CCDC148: variants seen among roughly 807,000 people sequenced by gnomAD.
The protein encoded by CCDC148 is coiled-coil domain-containing protein 148.
In CCDC148, 89 loss-of-function variants were observed where a neutral mutation model predicts 85.7. The ratio of observed to expected loss-of-function variants is 1.04; its 90% CI spans 0.87 to 1.24. The LOEUF (loss-of-function observed/expected upper bound fraction) is 1.24. CCDC148 is among the 50% of genes most tolerant of loss of function. The probability of loss-of-function intolerance (pLI) is 0.00; values close to 1 mark genes in which losing one functional copy is unlikely to be tolerated. For synonymous variants in CCDC148, 230 were observed against 213.9 expected, an observed-to-expected ratio of 1.08 and a Z score of -0.66; for missense variants, 692 against 671.7, an observed-to-expected ratio of 1.03 and a Z score of -0.33.
At chr2:158,200,374 A>T (rs1685893571) in intron 11 of CCDC148, among the ~76,000 whole-genome samples, 1 of 152,150 alleles carries the variant, frequency 6.6e-6, no homozygotes, top group Non-Finnish European at 1.5e-5. Context: ...AATTTCCTGT[A>T]AACAGTAAGT....
chr2:158,185,470 T>C (rs144884485), intron 11 of CCDC148, among the ~76,000 whole-genome samples: 26 of 152,230 alleles, frequency 1.7e-4, no homozygotes, highest in African/African-American at 6.3e-4. Context: ...GCTCCAAGGG[T>C]TGGATATCTT....
intron 1 of CCDC148, among the ~76,000 whole-genome samples, chr2:158,427,249 A>G (rs1322214021): frequency 6.6e-6 from 1 of 152,198 alleles, no homozygotes; most frequent in Non-Finnish European, 1.5e-5. Context: ...ATTTTCATTT[A>G]TGACTTATTA....
intron 8 of CCDC148, among the ~76,000 whole-genome samples, chr2:158,311,183 T>C (rs1015248922): frequency 6.6e-6 from 1 of 152,136 alleles, no homozygotes; most frequent in African/African-American, 2.4e-5. Flanking sequence ...CTGGGCAACA[T>C]TGAGCACTGA....
chr2:158,176,519 A>G lies in CCDC148; in HGVS notation c.1629+2T>C, dbSNP rs748871053. ...ATCAGTCATGCTAATTTCCATAATT[A>G]CCTGCTGTTCATTGTATGTATTCAA... On this transcript the variant is annotated splice_donor_variant, in intron 13 of 13. Coordinates refer to ENST00000283233, the MANE Select transcript of CCDC148 (RefSeq NM_138803.4). LOFTEE classifies it high-confidence loss of function. The G allele has an allele frequency of 1.9e-6, 3 of 1,610,142 alleles. No homozygotes were observed. In the South Asian group the frequency reaches 3.3e-5, roughly 18 times the overall value.
chr2:158,306,885 T>G (rs1246418217), intron 9 of CCDC148, among the ~76,000 whole-genome samples: 2 of 150,746 alleles, frequency 1.3e-5, no homozygotes, highest in African/African-American at 4.9e-5. Flanking sequence ...CAGGCGTGGT[T>G]GCAGGCACCT....
chr2:158,229,458 G>A (rs545633578), intron 10 of CCDC148, among the ~76,000 whole-genome samples: 3 of 152,218 alleles, frequency 2.0e-5, no homozygotes, highest in Admixed American at 1.3e-4. Context: ...CTAAATTTAT[G>A]GTTTCAATTG....
At chr2:158,294,977 C>T (rs1218796194) in intron 9 of CCDC148, among the ~76,000 whole-genome samples, 2 of 151,916 alleles carry the variant, frequency 1.3e-5, no homozygotes, top group Non-Finnish European at 1.5e-5. Context: ...TACTAATAGC[C>T]CCCTGTGGTT....
At chr2:158,233,055 G>GTATCCAGA (rs1687929783) in intron 10 of CCDC148, among the ~76,000 whole-genome samples, 1 of 152,022 alleles carries the variant, frequency 6.6e-6, no homozygotes, top group Non-Finnish European at 1.5e-5. Context: ...ACATGTTTGA[G>GTATCCAGA]GTAATGGATA....
intron 7 of CCDC148, among the ~76,000 whole-genome samples, chr2:158,330,336 C>T (rs1366761542): frequency 1.3e-5 from 2 of 152,294 alleles, no homozygotes; most frequent in African/African-American, 4.8e-5. Flanking sequence ...GTTGAACCAG[C>T]CTTGCATCCC....
intron 1 of CCDC148, among the ~76,000 whole-genome samples, chr2:158,451,957 G>A (rs1573848328): frequency 6.6e-6 from 1 of 151,998 alleles, no homozygotes; most frequent in Non-Finnish European, 1.5e-5. Context: ...GATGATCACA[G>A]GAAACAAAAA....
At chr2:158,375,972 C>T (rs1317790103) in intron 1 of CCDC148, among the ~76,000 whole-genome samples, 1 of 152,004 alleles carries the variant, frequency 6.6e-6, no homozygotes, top group East Asian at 1.9e-4. Context: ...AAAATAAATC[C>T]CCAAGCTTCT....
chr2:158,239,174 A>G (rs1384550068), intron 10 of CCDC148, among the ~76,000 whole-genome samples: 1 of 152,192 alleles, frequency 6.6e-6, no homozygotes, highest in Non-Finnish European at 1.5e-5. Flanking sequence ...CTAGCCAGAA[A>G]GTACAGTCAA....
At chr2:158,290,395 C>T (rs1373739305) in intron 9 of CCDC148, among the ~76,000 whole-genome samples, 2 of 152,182 alleles carry the variant, frequency 1.3e-5, no homozygotes, top group East Asian at 1.9e-4. Context: ...ATCATGCCTA[C>T]AGTTCGACTG....
intron 9 of CCDC148, among the ~76,000 whole-genome samples, chr2:158,306,606 C>T (rs1239717317): frequency 1.3e-5 from 2 of 151,404 alleles, no homozygotes; most frequent in African/African-American, 4.9e-5. Flanking sequence ...CATGTTCTCA[C>T]TCATAGGTGG....
intron 9 of CCDC148, among the ~76,000 whole-genome samples, chr2:158,266,915 T>C (rs6754827): frequency 7.3e-6 from 1 of 136,136 alleles, no homozygotes; most frequent in Non-Finnish European, 1.5e-5. Flanking sequence ...TACACACACA[T>C]ATATACATAT....
chr2:158,247,451 T>C (rs896450003), intron 10 of CCDC148, among the ~76,000 whole-genome samples: 1 of 152,142 alleles, frequency 6.6e-6, no homozygotes, highest in Admixed American at 6.6e-5. Flanking sequence ...CACGCATCAG[T>C]ACAAGCTGGC....
intron 9 of CCDC148, among the ~76,000 whole-genome samples, chr2:158,273,797 T>C (rs1038147885): frequency 6.6e-6 from 1 of 152,162 alleles, no homozygotes; most frequent in African/African-American, 2.4e-5. Flanking sequence ...TGCAGAGATT[T>C]ATGACATGAA....
intron 10 of CCDC148, among the ~76,000 whole-genome samples, chr2:158,233,203 T>G (rs1574458285): frequency 6.6e-6 from 1 of 152,204 alleles, no homozygotes; most frequent in South Asian, 2.1e-4. Context: ...AATATGCAAC[T>G]CCACACAAAA....
intron 11 of CCDC148, among the ~76,000 whole-genome samples, chr2:158,181,607 T>C (rs374329216): frequency 3.3e-5 from 5 of 152,130 alleles, no homozygotes; most frequent in East Asian, 1.9e-4. Context: ...GTACTCTGAA[T>C]TTAAGATCCA....
Sources: allele counts gnomAD v4.1 joint callset (sites outside exome capture counted in the v4.1 genomes callset), GRCh38; gene constraint gnomAD v4.1.1; transcripts MANE v1.5; gene names NCBI Gene and HGNC (gene_info 2026-07-23, HGNC 2026-07-21).